ST18: variants seen among roughly 807,000 people sequenced by gnomAD.
ST18 encodes the protein suppression of tumorigenicity 18 protein.
A neutral mutation model predicts 110.0 loss-of-function variants in ST18; 50 were observed. The observed-to-expected ratio is 0.45, with a 90% CI of 0.36 to 0.58. ST18 has a LOEUF of 0.58. ST18 is among the 20% of genes least tolerant of loss of function. The probability of loss-of-function intolerance (pLI) is 0.00; values close to 1 mark genes in which losing one functional copy is unlikely to be tolerated. For synonymous variants in ST18, 461 were observed against 452.4 expected (o/e 1.02, Z -0.24); for missense variants, 1,306 against 1,280.1 (o/e 1.02, Z -0.31).
intron 2 of ST18, among the ~76,000 whole-genome samples, chr8:52,307,591 G>A (rs1312448193): frequency 6.6e-6 from 1 of 152,100 alleles, no homozygotes; most frequent in Non-Finnish European, 1.5e-5. Flanking sequence ...GCAGACAATT[G>A]TGAAAATTTA....
chr8:52,376,148 A>G (rs1390427122), intron 2 of ST18, among the ~76,000 whole-genome samples: 4 of 152,170 alleles, frequency 2.6e-5, no homozygotes, highest in African/African-American at 9.7e-5. Context: ...TTATCAGCAT[A>G]GAAATCAAAA....
At chr8:52,282,350 A>T (rs2095395696) in intron 2 of ST18, among the ~76,000 whole-genome samples, 1 of 152,208 alleles carries the variant, frequency 6.6e-6, no homozygotes, top group South Asian at 2.1e-4. Context: ...AAATTGGGCT[A>T]ATTAATTTCA....
intron 2 of ST18, among the ~76,000 whole-genome samples, chr8:52,250,706 C>T (rs1482392226): frequency 6.6e-6 from 1 of 151,358 alleles, no homozygotes; most frequent in Non-Finnish European, 1.5e-5. Flanking sequence ...ACTGAAGCAG[C>T]CTTACTTTCA....
At chr8:52,129,284 G>C (rs1406233904) in intron 22 of ST18, among the ~76,000 whole-genome samples, 1 of 151,724 alleles carries the variant, frequency 6.6e-6, no homozygotes, top group Non-Finnish European at 1.5e-5. Flanking sequence ...TGACCAACAT[G>C]GTGAAACCCC....
At chr8:52,391,188 G>A (rs1461489386) in intron 2 of ST18, among the ~76,000 whole-genome samples, 3 of 152,078 alleles carry the variant, frequency 2.0e-5, no homozygotes, top group Non-Finnish European at 1.5e-5. Flanking sequence ...TCCCTGGTGC[G>A]AACCCACCCC....
At chr8:52,368,290 T>C (rs745615026) in intron 2 of ST18, among the ~76,000 whole-genome samples, 2 of 152,086 alleles carry the variant, frequency 1.3e-5, no homozygotes, top group Non-Finnish European at 1.5e-5. Flanking sequence ...AGAAGGAAAA[T>C]AGTCTTAAAT....
intron 2 of ST18, among the ~76,000 whole-genome samples, chr8:52,387,759 G>A (rs1165802888): frequency 6.6e-6 from 1 of 152,074 alleles, no homozygotes; most frequent in Non-Finnish European, 1.5e-5. Flanking sequence ...GGAATGTCTG[G>A]ATAGATCCTT....
intron 8 of ST18, among the ~76,000 whole-genome samples, chr8:52,185,886 T>A (rs758817224): frequency 6.6e-6 from 1 of 152,170 alleles, no homozygotes; most frequent in South Asian, 2.1e-4. Flanking sequence ...CAAAATTTTC[T>A]CAAGCAGTTT....
At chr8:52,116,953 CT>C (rs1053779289) in intron 24 of ST18, among the ~76,000 whole-genome samples, 59 of 152,218 alleles carry the variant, frequency 3.9e-4, no homozygotes, top group African/African-American at 1.3e-3. Context: ...TCTTTTTGGC[CT>C]TTCCTCAACA....
chr8:52,355,426 C>T (rs937528021), intron 2 of ST18, among the ~76,000 whole-genome samples: 11 of 152,102 alleles, frequency 7.2e-5, no homozygotes, highest in Non-Finnish European at 1.3e-4. Context: ...AGAATGTAGA[C>T]AGAATGAGGA....
At chr8:52,142,831 C>T in intron 17 of ST18, 99 bp downstream of exon 17, 1 of 871,198 alleles carries the variant, frequency 1.1e-6, no homozygotes. Context: ...AGAAATCACC[C>T]TAACATCAAC....
At chr8:52,175,650 C>T (rs558382533) in intron 9 of ST18, among the ~76,000 whole-genome samples, 271 of 152,242 alleles carry the variant, frequency 1.8e-3, no homozygotes, top group Middle Eastern at 3.4e-3. Flanking sequence ...ACTGTTTGTT[C>T]CTGGCATGGT....
intron 15 of ST18, among the ~76,000 whole-genome samples, chr8:52,157,260 A>T (rs2060265661): frequency 6.6e-6 from 1 of 152,204 alleles, no homozygotes; most frequent in African/African-American, 2.4e-5. Flanking sequence ...GTCATAGAAG[A>T]TGGAGAATCT....
intron 2 of ST18, among the ~76,000 whole-genome samples, chr8:52,320,160 G>A (rs1803245493): frequency 6.6e-6 from 1 of 152,132 alleles, no homozygotes. Context: ...TTAAGTAAAA[G>A]TAGAAAGTAC....
chr8:52,231,705 G>A (rs1346856602), intron 2 of ST18, among the ~76,000 whole-genome samples: 1 of 152,178 alleles, frequency 6.6e-6, no homozygotes, highest in African/African-American at 2.4e-5. Context: ...TTGATCTCTT[G>A]ACCTCGTGAT....
At position 52,386,489 on chromosome 8, in the gene ST18, C is replaced by A. The variant is rs547126793; in HGVS notation, c.-465+22839G>T. ...TTTTTCTTAAAAAAAAAAAAGAATG[C>A]AATCAATTGAGAAAAACTGGGGAGA... On this transcript the variant is annotated intron_variant, in intron 2 of 25. Transcript: ENST00000689386. 1.6e-3 allele frequency among the ~76,000 whole-genome samples: 238 copies of A among 147,816 alleles called. 2 individuals carry two copies. Among genetic ancestry groups the A allele is most frequent in the South Asian group, 4.5e-3 (21 of 4,694 alleles).
chr8:52,398,262 T>A (rs1306464619), intron 2 of ST18, among the ~76,000 whole-genome samples: 1 of 152,216 alleles, frequency 6.6e-6, no homozygotes. Context: ...ATTTTCTATG[T>A]TGATTTTATA....
intron 2 of ST18, among the ~76,000 whole-genome samples, chr8:52,397,309 A>T (rs1019288573): frequency 6.6e-6 from 1 of 152,070 alleles, no homozygotes; most frequent in Non-Finnish European, 1.5e-5. Context: ...TCCTTCACTC[A>T]TTTATTTTTA....
chr8:52,238,958 T>G (rs952302411), intron 2 of ST18, among the ~76,000 whole-genome samples: 1 of 152,050 alleles, frequency 6.6e-6, no homozygotes, highest in Non-Finnish European at 1.5e-5. Context: ...TTCACCACTG[T>G]GCAATATATC....
Sources: gnomAD v4.1 joint callset for allele counts (sites outside exome capture counted in the v4.1 genomes callset) on GRCh38, gnomAD v4.1.1 for gene constraint, MANE v1.5 for transcripts, NCBI Gene and HGNC (gene_info 2026-07-23, HGNC 2026-07-21) for gene names.